ADARB2: variants seen among roughly 807,000 people sequenced by gnomAD.
ADARB2 encodes adenosine deaminase RNA specific B2 (inactive).
Under a neutral mutation model 62.2 loss-of-function variants are expected in ADARB2, and 25 were observed. The observed-to-expected ratio is 0.40, with a 90% confidence interval of 0.29 to 0.56. ADARB2 has a LOEUF of 0.56. Among genes scored for constraint, ADARB2 ranks in the 20% least tolerant of loss-of-function variants. The probability of loss-of-function intolerance (pLI) is 0.43; values close to 1 mark genes in which losing one functional copy is unlikely to be tolerated. For synonymous variants in ADARB2, 572 were observed against 500.8 expected (o/e 1.14, Z -1.90); for missense variants, 1,071 against 1,077.4 (o/e 0.99, Z 0.08).
chr10:1,308,094 TA>T (rs961955850), intron 3 of ADARB2, among the ~76,000 whole-genome samples: 131 of 138,704 alleles, frequency 9.4e-4, no homozygotes, highest in Middle Eastern at 3.8e-3. Flanking sequence ...AAAAATAAAT[TA>T]AAAAAAAAAA....
chr10:1,703,131 C>T (rs1189417298), intron 1 of ADARB2, among the ~76,000 whole-genome samples: 1 of 152,090 alleles, frequency 6.6e-6, no homozygotes, highest in Non-Finnish European at 1.5e-5. Context: ...CGTGCTACAC[C>T]AGGGGCTCAT....
chr10:1,478,668 G>A (rs1050071549), intron 1 of ADARB2, among the ~76,000 whole-genome samples: 9 of 144,528 alleles, frequency 6.2e-5, no homozygotes, highest in South Asian at 2.3e-4. Flanking sequence ...AAGGACCCTC[G>A]GACGGGAGAG....
At position 1,232,409 on chromosome 10, in the gene ADARB2, CAT is replaced by C. The variant is rs569114251; in HGVS notation, c.1513+1283_1513+1284del. On this transcript the variant is annotated intron_variant, in intron 6 of 9. Transcript: ENST00000381312. ...ATGCGTGGTATGCATGTGCTTGTGG[CAT>C]GTGTGTGGTATATGTGGTGTGTGTT... Among the ~76,000 whole-genome samples, 269 of 144,426 alleles carry C rather than the reference CAT, an allele frequency of 1.9e-3. 2 individuals carry two copies. Among genetic ancestry groups the C allele is most frequent in the African/African-American group, 6.6e-3 (255 of 38,658 alleles). The allele number at this position is 144,426 out of a possible 152,430, so 94.7% of individuals were successfully genotyped here. A position where few individuals can be genotyped will look rare whatever the true frequency, so the allele number is the denominator to read the frequency against.
intron 1 of ADARB2, among the ~76,000 whole-genome samples, chr10:1,632,120 G>C (rs911666787): frequency 6.6e-6 from 1 of 152,136 alleles, no homozygotes; most frequent in African/African-American, 2.4e-5. Flanking sequence ...GCTGTTCCTA[G>C]GGCCATAAAA....
At chr10:1,457,767 C>T (rs78735077) in intron 1 of ADARB2, among the ~76,000 whole-genome samples, 10,049 of 152,096 alleles carry the variant, frequency 0.066, 468 homozygotes, top group East Asian at 0.18. Context: ...ATAGATATCC[C>T]CCTGTTTCTA....
intron 3 of ADARB2, among the ~76,000 whole-genome samples, chr10:1,321,649 C>T (rs998952442): frequency 1.6e-4 from 25 of 152,270 alleles, no homozygotes; most frequent in African/African-American, 5.5e-4. Context: ...CCTCCCAAAG[C>T]GCTGGGATTA....
chr10:1,342,742 G>C (rs535468539), intron 3 of ADARB2, among the ~76,000 whole-genome samples: 43 of 152,174 alleles, frequency 2.8e-4, no homozygotes, highest in Non-Finnish European at 4.9e-4. Context: ...TGACTGTATT[G>C]CAATGGGGTG....
chr10:1,270,159 G>A (rs548039399), intron 4 of ADARB2, among the ~76,000 whole-genome samples: 13 of 152,310 alleles, frequency 8.5e-5, no homozygotes, highest in East Asian at 1.9e-4. Context: ...CTGGCCCAGC[G>A]TGGCTGAGAA....
At chr10:1,480,585 C>G (rs1287458368) in intron 1 of ADARB2, among the ~76,000 whole-genome samples, 1 of 152,018 alleles carries the variant, frequency 6.6e-6, no homozygotes, top group Non-Finnish European at 1.5e-5. Context: ...GTAGTCCCCG[C>G]TACTCAGGAG....
chr10:1,544,186 G>A (rs1254424885), intron 1 of ADARB2, among the ~76,000 whole-genome samples: 1 of 152,174 alleles, frequency 6.6e-6, no homozygotes, highest in African/African-American at 2.4e-5. Flanking sequence ...AATATTGAAA[G>A]CAACGCCAGG....
chr10:1,499,994 A>G (rs2131937643), intron 1 of ADARB2, among the ~76,000 whole-genome samples: 1 of 152,342 alleles, frequency 6.6e-6, no homozygotes, highest in South Asian at 2.1e-4. Context: ...TTAACCCTTA[A>G]TCAGCTATAA....
chr10:1,393,671 C>T (rs1045881741), intron 1 of ADARB2, among the ~76,000 whole-genome samples: 5 of 152,144 alleles, frequency 3.3e-5, no homozygotes, highest in East Asian at 1.9e-4. Context: ...ACCCAGGCCA[C>T]GCGTTATGCA....
At chr10:1,712,646 C>G (rs9419502) in intron 1 of ADARB2, among the ~76,000 whole-genome samples, 130,279 of 130,292 alleles carry the variant, frequency 1, 65,133 homozygotes, top group Middle Eastern at 1. Context: ...TCCCTCTGTC[C>G]CCCAGGGAAG....
chr10:1,355,782 C>G (rs1051134342), intron 3 of ADARB2, among the ~76,000 whole-genome samples: 3 of 152,154 alleles, frequency 2.0e-5, no homozygotes, highest in African/African-American at 7.2e-5. Context: ...AAATGTATAT[C>G]GTACATTGCA....
chr10:1,730,579 G>T (rs1461340008), intron 1 of ADARB2, among the ~76,000 whole-genome samples: 1 of 152,010 alleles, frequency 6.6e-6, no homozygotes, highest in Non-Finnish European at 1.5e-5. Flanking sequence ...TCACCTCTTA[G>T]AGAGTTGAAA....
At chr10:1,544,852 A>G (rs1222052543) in intron 1 of ADARB2, among the ~76,000 whole-genome samples, 1 of 152,098 alleles carries the variant, frequency 6.6e-6, no homozygotes, top group Non-Finnish European at 1.5e-5. Context: ...TGTCAAGTAA[A>G]CAAAATACGT....
intron 5 of ADARB2, chr10:1,240,333 G>A (rs575619500): frequency 9.3e-5 from 14 of 150,350 alleles, no homozygotes; most frequent in Admixed American, 4.0e-4. Flanking sequence ...TCTGCCTCCC[G>A]GTGTTTACTC....
chr10:1,476,698 G>T (rs1234068133), intron 1 of ADARB2, among the ~76,000 whole-genome samples: 1 of 152,278 alleles, frequency 6.6e-6, no homozygotes, highest in East Asian at 1.9e-4. Flanking sequence ...TCGGCCTCAC[G>T]AACTCTGATT....
intron 1 of ADARB2, among the ~76,000 whole-genome samples, chr10:1,601,602 C>T (rs1025832873): frequency 2.6e-5 from 4 of 152,202 alleles, no homozygotes; most frequent in South Asian, 4.1e-4. Context: ...GCTGTACACA[C>T]GTTAGAAACA....
Sources: allele counts gnomAD v4.1 joint callset (sites outside exome capture counted in the v4.1 genomes callset), GRCh38; gene constraint gnomAD v4.1.1; transcripts MANE v1.5; gene names NCBI Gene and HGNC (gene_info 2026-07-23, HGNC 2026-07-21).